Variants in UBE2G2 observed in about 807,000 individuals in gnomAD.
The protein encoded by UBE2G2 is ubiquitin conjugating enzyme E2 G2, also known as ubiquitin-conjugating enzyme E2 G2.
In UBE2G2, 10 loss-of-function variants were observed where a neutral mutation model predicts 23.0. The ratio of observed to expected loss-of-function variants is 0.43; its 90% CI spans 0.27 to 0.74. UBE2G2 has a LOEUF of 0.74. UBE2G2 is among the 30% of genes least tolerant of loss of function. The probability of loss-of-function intolerance (pLI) is 0.19; values close to 1 mark genes in which losing one functional copy is unlikely to be tolerated. For missense variants in UBE2G2, 150 were observed against 218.3 expected (o/e 0.69, Z 1.97); for synonymous variants, 86 against 81.3 (o/e 1.06, Z -0.31).
chr21:44,787,855 G>C (rs1420481299), intron 3 of UBE2G2, 65 bp downstream of exon 3: 1 of 1,560,942 alleles, frequency 6.4e-7, no homozygotes, highest in African/African-American at 1.4e-5. Flanking sequence ...TCACACTGCT[G>C]ATGTGATTCT....
At chr21:44,801,650 C>G in intron 1 of UBE2G2, 56 bp downstream of exon 1, 10 of 1,492,736 alleles carry the variant, frequency 6.7e-6, no homozygotes, top group Non-Finnish European at 8.9e-6. Flanking sequence ...CCGGACGACG[C>G]GGGCCCGGGA....
intron 1 of UBE2G2, among the ~76,000 whole-genome samples, chr21:44,796,922 G>C (rs932399247): frequency 6.6e-6 from 1 of 152,158 alleles, no homozygotes; most frequent in African/African-American, 2.4e-5. Flanking sequence ...GTCATATGTT[G>C]AATCTCTCTG....
chr21:44,791,712 C>A (rs1262278517), intron 1 of UBE2G2, among the ~76,000 whole-genome samples: 6 of 152,178 alleles, frequency 3.9e-5, no homozygotes, highest in African/African-American at 1.4e-4. Flanking sequence ...TCCCAGAGTC[C>A]CCACTGGGGC....
intron 1 of UBE2G2, among the ~76,000 whole-genome samples, chr21:44,791,449 A>G (rs1443174611): frequency 6.6e-6 from 1 of 152,190 alleles, no homozygotes; most frequent in East Asian, 1.9e-4. Context: ...AGCTCCAGCC[A>G]TGGCTAAAAA....
rs1311082967 is a variant in UBE2G2, at chr21:44,801,799, T to C, written c.-51A>G. ...ACCTCGCCTCAGCCGCGCGCGTGCC[T>C]CCTGCCCCGACACCGGGGACTGCTT... On this transcript the variant is annotated 5_prime_UTR_variant, in exon 1 of 6. Transcript: ENST00000345496. The C allele has an allele frequency of 3.3e-6, 5 of 1,495,024 alleles. No homozygotes were observed. In the African/African-American group the frequency reaches 5.9e-5, roughly 18 times the overall value. 92.6% of individuals were successfully genotyped at this position (1,495,024 alleles called of 1,614,324 possible). A position where few individuals can be genotyped will look rare whatever the true frequency, so the allele number is the denominator to read the frequency against.
intron 1 of UBE2G2, chr21:44,800,431 A>AT (rs1361127916): frequency 2.6e-5 from 4 of 152,014 alleles, no homozygotes; most frequent in Non-Finnish European, 5.9e-5. Context: ...AAGTAAAAAA[A>AT]ATCAGTGTAA....
In UBE2G2 at chr21:44,772,098, G is replaced by A. The variant is rs1601173729; in HGVS notation, c.386-609C>T. ...CCTGCCGGAAGGCAGAACGGAGAGA[G>A]ACCACCAGAACTGGATGACATGTGC... On this transcript the variant is annotated intron_variant, in intron 5 of 5. Transcript: ENST00000345496. The surrounding 1 kb of genome is among the most constrained non-coding windows in gnomAD (Gnocchi z 5.4). 6.6e-6 allele frequency among the ~76,000 whole-genome samples: 1 copy of A among 152,252 alleles called. No individual in the cohort carries two copies. The highest frequency in any genetic ancestry group is 1.5e-5 in the Non-Finnish European group (1 of 68,040).
rs2083010640 is a variant in UBE2G2, at chr21:44,788,097, T to C, written c.44-2A>G. The C allele has an allele frequency of 6.2e-7, 1 of 1,600,026 alleles. No individual in the cohort carries two copies. Among genetic ancestry groups the C allele is most frequent in the African/African-American group, 1.4e-5 (1 of 73,922 alleles). The stretch of plus-strand genomic sequence containing the variant: ...CTTCCGGAGGATTCAGTGTTAATTC[T>C]ATAAAATTAATAAGTAAAACCATTA... On this transcript the variant is annotated splice_acceptor_variant, in intron 1 of 5. Transcript: ENST00000345496. LOFTEE classifies it high-confidence loss of function.
At chr21:44,779,382 T>G (rs1309950860) in intron 3 of UBE2G2, among the ~76,000 whole-genome samples, 592 of 83,340 alleles carry the variant, frequency 7.1e-3, no homozygotes, top group Middle Eastern at 0.014. Context: ...GGGGGGGGGG[T>G]ACTGTGTGAC....
intron 3 of UBE2G2, among the ~76,000 whole-genome samples, chr21:44,786,228 A>G (rs1555961974): frequency 6.6e-6 from 1 of 152,228 alleles, no homozygotes; most frequent in Non-Finnish European, 1.5e-5. Flanking sequence ...CAGGTTACAC[A>G]TCAGTTCATG....
rs235352 is a variant in UBE2G2 at position 44,768,913 on chromosome 21, A to G, written c.*2464T>C. On this transcript the variant is annotated 3_prime_UTR_variant, in exon 6 of 6. Transcript: ENST00000345496. ...AGGGAGATCAGAAACAGAAGAAAAC[A>G]TGCCAGAGCTAACCCAAGTCTGCAG... The G allele has an allele frequency of 0.78, 117,980 of 152,164 alleles. 46,169 individuals are homozygous for G. Among genetic ancestry groups the G allele is most frequent in the African/African-American group, 0.88 (36,673 of 41,516 alleles). The allele number at this position is 152,164 out of a possible 1,614,324, so 9.4% of individuals were successfully genotyped here.
intron 4 of UBE2G2, 161 bp from the exon 5 acceptor site, chr21:44,773,848 A>C: frequency 1.0e-6 from 1 of 981,066 alleles, no homozygotes; most frequent in Non-Finnish European, 1.4e-6. Flanking sequence ...GTCACGCTTC[A>C]TGTCTGCAGG....
chr21:44,788,185 A>G, intron 1 of UBE2G2, 90 bp from the exon 2 acceptor site: 1 of 1,277,760 alleles, frequency 7.8e-7, no homozygotes. Context: ...ATATAAGCCT[A>G]TAAACCATAG....
intron 1 of UBE2G2, among the ~76,000 whole-genome samples, chr21:44,798,451 G>A (rs1055521772): frequency 1.3e-5 from 2 of 152,208 alleles, no homozygotes; most frequent in South Asian, 4.1e-4. Flanking sequence ...ACCCACAGTG[G>A]AACTTCAGTC....
intron 3 of UBE2G2, among the ~76,000 whole-genome samples, chr21:44,787,674 T>C (rs1237325354): frequency 6.6e-6 from 1 of 152,250 alleles, no homozygotes; most frequent in East Asian, 1.9e-4. Context: ...CTCTCAAATA[T>C]ATAATACATA....
At chr21:44,788,478 A>G (rs868990565) in intron 1 of UBE2G2, among the ~76,000 whole-genome samples, 87 of 151,964 alleles carry the variant, frequency 5.7e-4, no homozygotes, top group African/African-American at 2.0e-3. Context: ...TTTAGTAGAG[A>G]CGGGGTTTCA....
intron 3 of UBE2G2, among the ~76,000 whole-genome samples, chr21:44,779,509 C>T (rs977151626): frequency 6.6e-6 from 1 of 151,636 alleles, no homozygotes; most frequent in Non-Finnish European, 1.5e-5. Context: ...GGATGAGTAC[C>T]CCCCCCGGCC....
At chr21:44,776,696 C>G (rs2082916242) in intron 4 of UBE2G2, 1 of 152,468 alleles carries the variant, frequency 6.6e-6, no homozygotes, top group African/African-American at 2.4e-5. Context: ...GTGTACAAGT[C>G]TCACGAGATC....
intron 3 of UBE2G2, chr21:44,785,627 G>A (rs1186957523): frequency 6.6e-6 from 1 of 152,230 alleles, no homozygotes; most frequent in Non-Finnish European, 1.5e-5. Flanking sequence ...GGCCCTGGAA[G>A]CCATCAAAGA....
Sources: allele counts gnomAD v4.1 joint callset (sites outside exome capture counted in the v4.1 genomes callset), GRCh38; gene constraint gnomAD v4.1.1; non-coding constraint Gnocchi (gnomAD v3.1); transcripts MANE v1.5; gene names NCBI Gene and HGNC (gene_info 2026-07-23, HGNC 2026-07-21).